Variants in FAM13C observed in about 807,000 individuals in gnomAD.
FAM13C encodes the protein protein FAM13C.
Under a neutral mutation model 73.2 loss-of-function variants are expected in FAM13C, and 37 were observed. The ratio of observed to expected loss-of-function variants is 0.51; its 90% CI spans 0.39 to 0.67. FAM13C has a LOEUF of 0.67. Among genes scored for constraint, FAM13C ranks in the 30% least tolerant of loss-of-function variants. The pLI is 0.00. For synonymous variants in FAM13C, 246 were observed against 260.9 expected, an observed-to-expected ratio of 0.94 and a Z score of 0.55; for missense variants, 589 against 715.6, an observed-to-expected ratio of 0.82 and a Z score of 2.02.
chr10:59,254,256 T>C (rs762670923), intron 11 of FAM13C, 92 bp downstream of exon 11: 4 of 843,238 alleles, frequency 4.7e-6, no homozygotes, highest in Non-Finnish European at 7.1e-6. Context: ...TATACTGCCA[T>C]GAAGGGTCTT....
chr10:59,330,770 C>G (rs1851865715), intron 3 of FAM13C, among the ~76,000 whole-genome samples: 1 of 152,174 alleles, frequency 6.6e-6, no homozygotes, highest in African/African-American at 2.4e-5. Context: ...ATTGCTAAGA[C>G]TACAGAAGGC....
chr10:59,278,587 A>G lies in FAM13C; in HGVS notation c.592+4776T>C, dbSNP rs549308053. ...AGAATTCCTGGCTTCTACTCACCAG[A>G]TGCCAGGAATGTCCACCCCCTCATT... On this transcript the variant is annotated intron_variant, in intron 6 of 13. Transcript: ENST00000618804. 1.1e-4 allele frequency among the ~76,000 whole-genome samples: 16 copies of G among 152,264 alleles called. No homozygotes were observed. The East Asian group carries it at 3.1e-3, about 29-fold the overall frequency.
chr10:59,329,110 C>A (rs552532343), intron 3 of FAM13C, among the ~76,000 whole-genome samples: 1 of 152,102 alleles, frequency 6.6e-6, no homozygotes, highest in African/African-American at 2.4e-5. Flanking sequence ...AATTTCCTTT[C>A]AAAAATGTGT....
intron 6 of FAM13C, among the ~76,000 whole-genome samples, chr10:59,280,548 TA>T (rs1167780836): frequency 6.6e-6 from 1 of 152,220 alleles, no homozygotes; most frequent in Non-Finnish European, 1.5e-5. Context: ...TCCACTTGAA[TA>T]GTGTGGTTCT....
chr10:59,305,291 T>A (rs1309999955), intron 4 of FAM13C, among the ~76,000 whole-genome samples: 1 of 152,212 alleles, frequency 6.6e-6, no homozygotes, highest in Non-Finnish European at 1.5e-5. Context: ...CAAATCATAA[T>A]TTGTCAAATT....
At chr10:59,264,327 T>C (rs1318460110) in intron 8 of FAM13C, among the ~76,000 whole-genome samples, 161 bp from the exon 9 acceptor site, 2 of 152,224 alleles carry the variant, frequency 1.3e-5, no homozygotes, top group Admixed American at 1.3e-4. Context: ...GTGAAATTTC[T>C]GATGGAGTTG....
chr10:59,297,118 A>G (rs1589503136), intron 5 of FAM13C: 2 of 152,236 alleles, frequency 1.3e-5, no homozygotes, highest in African/African-American at 4.8e-5. Context: ...CTACTGCTCA[A>G]AGTCATTGCC....
At chr10:59,252,756 GA>G (rs763110380) in intron 12 of FAM13C, 42 bp downstream of exon 12, 2 of 1,588,864 alleles carry the variant, frequency 1.3e-6, no homozygotes, top group Non-Finnish European at 8.6e-7. Flanking sequence ...TATCAGACCA[GA>G]AGGAGTTAAG....
chr10:59,248,266 A>G (rs917264610), intron 13 of FAM13C, among the ~76,000 whole-genome samples: 20 of 152,204 alleles, frequency 1.3e-4, no homozygotes, highest in African/African-American at 4.6e-4. Flanking sequence ...TATAATACCT[A>G]TCTCTGCTAA....
chr10:59,250,578 C>T (rs748779594), intron 13 of FAM13C, among the ~76,000 whole-genome samples: 8 of 152,134 alleles, frequency 5.3e-5, no homozygotes, highest in Non-Finnish European at 8.8e-5. Flanking sequence ...AAGTAGACCA[C>T]GCATGAGAGT....
chr10:59,268,827 G>A, intron 7 of FAM13C, 136 bp from the exon 8 acceptor site: 3 of 993,198 alleles, frequency 3.0e-6, no homozygotes, highest in East Asian at 2.7e-5. Flanking sequence ...AGGCCACCAT[G>A]GTAGCATCTG....
chr10:59,341,864 C>G (rs16913437), intron 3 of FAM13C, among the ~76,000 whole-genome samples: 1 of 151,974 alleles, frequency 6.6e-6, no homozygotes, highest in African/African-American at 2.4e-5. Flanking sequence ...TTACCTGTGC[C>G]TAGAGGTATC....
At chr10:59,317,108 T>C (rs1589583425) in intron 4 of FAM13C, among the ~76,000 whole-genome samples, 1 of 142,764 alleles carries the variant, frequency 7.0e-6, no homozygotes. Context: ...TGTGTGTATG[T>C]GTATGTCACT....
chr10:59,247,005 A>G lies in FAM13C; in HGVS notation c.*609T>C, dbSNP rs1840763120. 5.5e-6 allele frequency: 1 copy of G among 180,760 alleles called. No individual in the cohort carries two copies. Among genetic ancestry groups the G allele is most frequent in the Non-Finnish European group, 1.1e-5 (1 of 88,318 alleles). 11.2% of individuals were successfully genotyped at this position (180,760 alleles called of 1,614,324 possible). On this transcript the variant is annotated 3_prime_UTR_variant, in exon 14 of 14. Coordinates refer to ENST00000618804, the MANE Select transcript of FAM13C (RefSeq NM_198215.4). ...GGTAACCAGAAATGTAAAATTTCAA[A>G]TAACGGATAAAATAATGTGTTATTT...
Position 59,276,520 on chromosome 10 carries a change from A to C in FAM13C, c.593-6411T>G, listed in dbSNP as rs573977284. Among the ~76,000 whole-genome samples, 269 of 152,284 alleles carry C rather than the reference A, an allele frequency of 1.8e-3. 1 individual carries two copies. Among genetic ancestry groups the C allele is most frequent in the Middle Eastern group, 3.4e-3 (1 of 294 alleles). On this transcript the variant is annotated intron_variant, in intron 6 of 13. Coordinates refer to ENST00000618804, the MANE Select transcript of FAM13C (RefSeq NM_198215.4). ...GTATGCTTTTTCCCATTTTAAACAAAAGGAAACTGAGGAGGATGAGAGAGT... is the reference window on the plus strand; with the variant it reads ...GTATGCTTTTTCCCATTTTAAACAACAGGAAACTGAGGAGGATGAGAGAGT...
intron 2 of FAM13C, among the ~76,000 whole-genome samples, chr10:59,355,322 G>A (rs775427942): frequency 4.6e-5 from 7 of 152,154 alleles, no homozygotes; most frequent in Non-Finnish European, 1.0e-4. Context: ...AAGTCAGAGA[G>A]GCCTGGGTCT....
chr10:59,306,317 A>T (rs1848245231), intron 4 of FAM13C, among the ~76,000 whole-genome samples: 1 of 152,188 alleles, frequency 6.6e-6, no homozygotes, highest in Non-Finnish European at 1.5e-5. Flanking sequence ...TCTTCCAAGG[A>T]AACTACTCTT....
chr10:59,307,787 A>T (rs957528795), intron 4 of FAM13C, among the ~76,000 whole-genome samples: 7 of 152,230 alleles, frequency 4.6e-5, no homozygotes, highest in African/African-American at 1.7e-4. Context: ...GCCCAAGCTC[A>T]CACTGCTACA....
At chr10:59,337,929 C>T in intron 3 of FAM13C, among the ~76,000 whole-genome samples, 1 of 152,016 alleles carries the variant, frequency 6.6e-6, no homozygotes, top group East Asian at 1.9e-4. Flanking sequence ...ATCCACCCAC[C>T]TCAGCCTCCC....
Sources: gnomAD v4.1 joint callset for allele counts (sites outside exome capture counted in the v4.1 genomes callset) on GRCh38, gnomAD v4.1.1 for gene constraint, MANE v1.5 for transcripts, NCBI Gene and HGNC (gene_info 2026-07-23, HGNC 2026-07-21) for gene names.